The following MRGPRF variants were observed in gnomAD, a reference collection of about 807,000 sequenced individuals.
The protein encoded by MRGPRF is mas-related G protein-coupled receptor member F.
MRGPRF carries 2 observed loss-of-function variants against 3.3 expected under a neutral mutation model. That is an observed-to-expected ratio of 0.61 (90% confidence interval 0.25 to 1.92). The LOEUF (loss-of-function observed/expected upper bound fraction) is 1.92. Among genes scored for constraint, MRGPRF ranks in the 40% most tolerant of loss-of-function variants. The pLI, the probability that MRGPRF is intolerant of heterozygous loss-of-function variation, is 0.16. For synonymous variants in MRGPRF, 242 were observed against 222.7 expected, an observed-to-expected ratio of 1.09 and a Z score of -0.77; for missense variants, 500 against 476.0, an observed-to-expected ratio of 1.05 and a Z score of -0.47.
chr11:69,006,037 G>A lies in MRGPRF; in HGVS notation c.273C>T (p.Gly91=), dbSNP rs539855450. Residue 91 remains glycine (G), a synonymous_variant, in exon 3 of 3, where the codon GGC becomes GGT. Coordinates refer to ENST00000309099, the MANE Select transcript of MRGPRF (RefSeq NM_145015.5). ...YFLHLASADV[G]YLFSKAVFSI... ...AGAACACCGCCTTGCTGAAGAGGTA[G>A]CCCACATCGGCGCTGGCCAGGTGCA... The A allele has an allele frequency of 1.1e-4, 175 of 1,580,546 alleles. 2 individuals are homozygous for A. In the East Asian group the frequency reaches 2.7e-3, roughly 24 times the overall value.
At chr11:69,008,649 C>T (rs577655878) in intron 2 of MRGPRF, among the ~76,000 whole-genome samples, 1 of 152,210 alleles carries the variant, frequency 6.6e-6, no homozygotes, top group African/African-American at 2.4e-5. Flanking sequence ...CATTTATAGG[C>T]TCAACCCCTG....
chr11:69,009,715 G>T (rs11228437), intron 2 of MRGPRF, 139 bp downstream of exon 2: 275,520 of 992,062 alleles, frequency 0.28, 38,631 homozygotes, highest in African/African-American at 0.35. Flanking sequence ...GCCCAGAGGA[G>T]CCCACTGCCC....
chr11:69,011,050 G>T (rs1191943543), intron 1 of MRGPRF, among the ~76,000 whole-genome samples: 2 of 152,114 alleles, frequency 1.3e-5, no homozygotes, highest in African/African-American at 4.8e-5. Flanking sequence ...CTCTCCCAAG[G>T]GGAGAGCTGG....
intron 2 of MRGPRF, among the ~76,000 whole-genome samples, chr11:69,007,009 G>T (rs558020789): frequency 6.6e-6 from 1 of 152,250 alleles, no homozygotes; most frequent in Non-Finnish European, 1.5e-5. Flanking sequence ...AACAACTGCT[G>T]CAGAGGATAT....
At position 69,006,215 on chromosome 11, in the gene MRGPRF, A is replaced by T. The variant is rs369370363; in HGVS notation, c.95T>A (p.Phe32Tyr). ...SEAPELYSRGFLTIEQIAMLP... is the reference protein window; with the variant it reads ...SEAPELYSRGYLTIEQIAMLP... Reference sequence around the variant, plus strand: ...CATCGCGATCTGCTCGATGGTCAGGAAGCCCCGGCTGTAGAGTTCCGGGGC... The same window carrying T: ...CATCGCGATCTGCTCGATGGTCAGGTAGCCCCGGCTGTAGAGTTCCGGGGC... Residue 32 changes from phenylalanine to tyrosine, a missense_variant, in exon 3 of 3, where the codon TTC (phenylalanine) becomes TAC (tyrosine). Transcript: ENST00000309099. The T allele has an allele frequency of 6.6e-5, 107 of 1,613,414 alleles. 2 individuals carry two copies. The highest frequency in any genetic ancestry group is 4.0e-4 in the Admixed American group (24 of 60,012).
rs1205284213 is a variant in MRGPRF at position 69,013,219 on chromosome 11, A to G, written c.-193T>C. 2.0e-5 allele frequency: 3 copies of G among 152,170 alleles called. No individual in the cohort carries two copies. The highest frequency in any genetic ancestry group is 2.9e-5 in the Non-Finnish European group (2 of 68,058). The allele number at this position is 152,170 out of a possible 1,614,324, so 9.4% of individuals were successfully genotyped here. On this transcript the variant is annotated 5_prime_UTR_variant, in exon 1 of 3. Coordinates refer to ENST00000309099, the MANE Select transcript of MRGPRF (RefSeq NM_145015.5). ...GGAGCCTTGGAAAATAGGAGCTCAG[A>G]GTAGAGCCCTCTCCTGCTGGAAGAG...
chr11:69,008,911 G>A (rs773234149), intron 2 of MRGPRF, among the ~76,000 whole-genome samples: 2 of 152,230 alleles, frequency 1.3e-5, no homozygotes, highest in Non-Finnish European at 1.5e-5. Flanking sequence ...AGAGGGGGAG[G>A]CCGGGTGAGT....
intron 2 of MRGPRF, among the ~76,000 whole-genome samples, chr11:69,008,148 A>G (rs1860524186): frequency 6.6e-6 from 1 of 152,150 alleles, no homozygotes; most frequent in African/African-American, 2.4e-5. Flanking sequence ...AGAAGCCTGA[A>G]CTCTAGACTG....
At chr11:69,010,933 A>G (rs1415910311) in intron 1 of MRGPRF, among the ~76,000 whole-genome samples, 5 of 152,098 alleles carry the variant, frequency 3.3e-5, no homozygotes, top group Non-Finnish European at 7.4e-5. Flanking sequence ...TTCCCCGCAG[A>G]GAAGCATCTA....
At chr11:69,008,991 C>T (rs185907614) in intron 2 of MRGPRF, among the ~76,000 whole-genome samples, 55 of 152,346 alleles carry the variant, frequency 3.6e-4, no homozygotes, top group African/African-American at 1.3e-3. Context: ...AGCCCGGCCC[C>T]ACCCTGGGCT....
rs369675458 is a variant in MRGPRF at position 69,006,204 on chromosome 11, C to G, written c.106G>C (p.Glu36Gln). ...GGAGGCGGCAGCATCGCGATCTGCTCGATGGTCAGGAAGCCCCGGCTGTAG... is the reference window on the plus strand; with the variant it reads ...GGAGGCGGCAGCATCGCGATCTGCTGGATGGTCAGGAAGCCCCGGCTGTAG... The part of the protein sequence containing the change: ...ELYSRGFLTI[E>Q]QIAMLPPPAV... The change falls in exon 3 of 3, where the codon GAG (glutamate) becomes CAG (glutamine). Residue 36 changes from glutamate to glutamine, a missense_variant. By Grantham distance (29) the Glu-to-Gln change is conservative. Transcript: ENST00000309099. 6.2e-7 allele frequency: 1 copy of G among 1,613,644 alleles called. No individual in the cohort carries two copies.
At chr11:69,013,021 C>T (rs186401283) in intron 1 of MRGPRF, 62 bp downstream of exon 1, 2 of 153,922 alleles carry the variant, frequency 1.3e-5, no homozygotes, top group East Asian at 3.8e-4. Flanking sequence ...CCTGCCTGGC[C>T]CTCACCCTGC....
At chr11:69,012,683 A>T (rs1003367817) in intron 1 of MRGPRF, 36 of 152,356 alleles carry the variant, frequency 2.4e-4, no homozygotes, top group African/African-American at 7.2e-4. Flanking sequence ...CAGCCCCTCT[A>T]GAATGCATGC....
At chr11:69,012,715 G>A (rs2154013098) in intron 1 of MRGPRF, among the ~76,000 whole-genome samples, 1 of 152,348 alleles carries the variant, frequency 6.6e-6, no homozygotes, top group Admixed American at 6.5e-5. Flanking sequence ...GTGAGGCTGG[G>A]GGAGGGACCG....
intron 1 of MRGPRF, among the ~76,000 whole-genome samples, chr11:69,010,261 G>T (rs1156260060): frequency 6.6e-6 from 1 of 152,262 alleles, no homozygotes; most frequent in Non-Finnish European, 1.5e-5. Context: ...TGCTTTTGCA[G>T]ACATACATTT....
chr11:69,009,426 A>G (rs1348057592), intron 2 of MRGPRF: 1 of 492,994 alleles, frequency 2.0e-6, no homozygotes, highest in Non-Finnish European at 3.6e-6. Context: ...CTGGGGCAAC[A>G]CTCTCGGGGT....
chr11:69,009,728 G>T (rs779455981), intron 2 of MRGPRF, 126 bp downstream of exon 2: 2 of 1,170,752 alleles, frequency 1.7e-6, no homozygotes, highest in South Asian at 2.5e-5. Flanking sequence ...CACTGCCCAC[G>T]GTGGGTCCAG....
At chr11:69,007,463 C>T (rs534470762) in intron 2 of MRGPRF, among the ~76,000 whole-genome samples, 3 of 152,234 alleles carry the variant, frequency 2.0e-5, no homozygotes, top group Non-Finnish European at 4.4e-5. Flanking sequence ...CCATCTTGGC[C>T]TCCCAAAGTG....
intron 2 of MRGPRF, among the ~76,000 whole-genome samples, 163 bp from the exon 3 acceptor site, chr11:69,006,424 T>C (rs923016744): frequency 1.3e-5 from 2 of 152,058 alleles, no homozygotes; most frequent in East Asian, 3.9e-4. Flanking sequence ...TGGCTGCAAC[T>C]CTATCCTCAA....
Sources: allele counts gnomAD v4.1 joint callset (sites outside exome capture counted in the v4.1 genomes callset), GRCh38; gene constraint gnomAD v4.1.1; transcripts MANE v1.5; gene names NCBI Gene and HGNC (gene_info 2026-07-23, HGNC 2026-07-21).